Variants in GRID1 observed in about 807,000 individuals in gnomAD.
The protein encoded by GRID1 is glutamate receptor ionotropic, delta-1.
In GRID1, 28 loss-of-function variants were observed where a neutral mutation model predicts 98.0. The ratio of observed to expected loss-of-function variants is 0.29; its 90% CI spans 0.21 to 0.39. The LOEUF is 0.39. GRID1 is among the 10% of genes least tolerant of loss of function. GRID1 has a pLI of 1.00. For synonymous variants in GRID1, 553 were observed against 538.5 expected (o/e 1.03, Z -0.37); for missense variants, 1,111 against 1,340.5 (o/e 0.83, Z 2.67).
intron 8 of GRID1, among the ~76,000 whole-genome samples, chr10:85,787,924 C>T (rs982053440): frequency 4.0e-4 from 61 of 152,068 alleles, no homozygotes; most frequent in Admixed American, 3.3e-3. Context: ...GAATCCATTT[C>T]CAAATCCCTC....
At chr10:85,862,004 C>CCACGT (rs1554835917) in intron 6 of GRID1, among the ~76,000 whole-genome samples, 1 of 152,068 alleles carries the variant, frequency 6.6e-6, no homozygotes, top group Non-Finnish European at 1.5e-5. Flanking sequence ...TACACGTCTT[C>CCACGT]CACATCACAT....
chr10:85,649,362 G>C (rs1026024350), intron 12 of GRID1, among the ~76,000 whole-genome samples: 5 of 152,140 alleles, frequency 3.3e-5, no homozygotes, highest in Admixed American at 1.3e-4. Context: ...TAACAAATTC[G>C]ATGAAGAAAT....
chr10:85,920,379 T>C (rs934583417), intron 4 of GRID1, among the ~76,000 whole-genome samples: 1 of 152,200 alleles, frequency 6.6e-6, no homozygotes, highest in African/African-American at 2.4e-5. Context: ...CCGTTCCTTC[T>C]ACTGGAGTCT....
intron 4 of GRID1, among the ~76,000 whole-genome samples, chr10:85,934,625 A>T (rs80168102): frequency 6.6e-6 from 1 of 152,184 alleles, no homozygotes. Flanking sequence ...CAGTACAAAT[A>T]TGATGAAAAG....
At chr10:86,239,317 T>G (rs1846590036) in intron 2 of GRID1, among the ~76,000 whole-genome samples, 1 of 152,250 alleles carries the variant, frequency 6.6e-6, no homozygotes, top group African/African-American at 2.4e-5. Context: ...ACCCCCATTG[T>G]ATCTTGGAAG....
chr10:86,320,673 G>A (rs933822944), intron 2 of GRID1, among the ~76,000 whole-genome samples: 1 of 152,092 alleles, frequency 6.6e-6, no homozygotes, highest in Non-Finnish European at 1.5e-5. Context: ...TGGCTAAAAT[G>A]GTAAATGTTA....
At chr10:85,771,301 C>T (rs530400916) in intron 8 of GRID1, among the ~76,000 whole-genome samples, 1 of 152,166 alleles carries the variant, frequency 6.6e-6, no homozygotes, top group Non-Finnish European at 1.5e-5. Context: ...GAGGCCTGCC[C>T]TGAAAGAGCT....
At chr10:85,708,567 T>G (rs1841549442) in intron 12 of GRID1, among the ~76,000 whole-genome samples, 1 of 152,150 alleles carries the variant, frequency 6.6e-6, no homozygotes, top group Non-Finnish European at 1.5e-5. Flanking sequence ...TTCAATAAAG[T>G]AGATTTAAGG....
At chr10:86,286,758 C>T (rs999623243) in intron 2 of GRID1, among the ~76,000 whole-genome samples, 1 of 152,228 alleles carries the variant, frequency 6.6e-6, no homozygotes, top group African/African-American at 2.4e-5. Flanking sequence ...CGGTACCTAC[C>T]CCAGGGGCAG....
At chr10:86,033,698 C>T (rs1057419020) in intron 4 of GRID1, among the ~76,000 whole-genome samples, 1 of 152,194 alleles carries the variant, frequency 6.6e-6, no homozygotes, top group Admixed American at 6.5e-5. Context: ...CCAGGCTGGA[C>T]AGGGCTCCAG....
chr10:85,654,062 G>A (rs1840863993), intron 12 of GRID1, among the ~76,000 whole-genome samples: 1 of 152,184 alleles, frequency 6.6e-6, no homozygotes, highest in African/African-American at 2.4e-5. Context: ...ACTGTATGAG[G>A]ACACTTAGTG....
chr10:86,115,373 G>A (rs1252837073), intron 4 of GRID1, among the ~76,000 whole-genome samples: 1 of 152,092 alleles, frequency 6.6e-6, no homozygotes. Context: ...ATGAATGAAT[G>A]AATGAACAGA....
At chr10:85,812,804 C>CAT (rs1193302105) in intron 8 of GRID1, among the ~76,000 whole-genome samples, 1 of 149,826 alleles carries the variant, frequency 6.7e-6, no homozygotes, top group African/African-American at 2.5e-5. Context: ...TCTATATATA[C>CAT]ATATATATGT....
intron 8 of GRID1, among the ~76,000 whole-genome samples, chr10:85,817,278 A>G (rs1290742519): frequency 6.6e-6 from 1 of 152,174 alleles, no homozygotes; most frequent in Non-Finnish European, 1.5e-5. Context: ...CTGTAATCCC[A>G]GCACTTTGGG....
intron 5 of GRID1, among the ~76,000 whole-genome samples, chr10:85,906,879 ATAAAT>A (rs562626454): frequency 2.6e-5 from 4 of 152,304 alleles, no homozygotes; most frequent in African/African-American, 9.6e-5. Flanking sequence ...AGACAAAACA[ATAAAT>A]TAATATAAAT....
intron 4 of GRID1, among the ~76,000 whole-genome samples, chr10:85,971,745 G>A (rs1463172225): frequency 6.6e-6 from 1 of 152,078 alleles, no homozygotes; most frequent in Non-Finnish European, 1.5e-5. Flanking sequence ...GTTCAGGTGG[G>A]AAAAAATTCC....
intron 2 of GRID1, among the ~76,000 whole-genome samples, chr10:86,317,240 T>A (rs979473958): frequency 6.6e-6 from 1 of 152,102 alleles, no homozygotes; most frequent in Admixed American, 6.5e-5. Context: ...TGATTCTAGA[T>A]ACTTGGCTTG....
At chr10:86,334,892 G>T (rs143990514) in intron 2 of GRID1, among the ~76,000 whole-genome samples, 20 of 152,318 alleles carry the variant, frequency 1.3e-4, no homozygotes, top group Non-Finnish European at 2.2e-4. Context: ...CCAGCCAGCG[G>T]TGCTGGCAGG....
chr10:85,763,607 G>C (rs1487720744), intron 8 of GRID1, among the ~76,000 whole-genome samples: 2 of 152,220 alleles, frequency 1.3e-5, no homozygotes, highest in African/African-American at 2.4e-5. Flanking sequence ...CATTTGTAAT[G>C]CACATTTTTA....
Sources: allele counts gnomAD v4.1 joint callset (sites outside exome capture counted in the v4.1 genomes callset), GRCh38; gene constraint gnomAD v4.1.1; transcripts MANE v1.5; gene names NCBI Gene and HGNC (gene_info 2026-07-23, HGNC 2026-07-21).